The following SLC9A7 variants were observed in gnomAD, a reference collection of about 807,000 sequenced individuals.
SLC9A7 encodes solute carrier family 9 member A7.
SLC9A7 carries 19 observed loss-of-function variants against 52.6 expected under a neutral mutation model. The observed-to-expected ratio is 0.36, with a 90% CI of 0.25 to 0.53. The LOEUF is 0.53. Ranked by LOEUF, SLC9A7 falls within the 20% of genes least tolerant of loss-of-function variation. SLC9A7 has a pLI of 0.91. For missense variants in SLC9A7, 455 were observed against 597.9 expected, an observed-to-expected ratio of 0.76 and a Z score of 2.49; for synonymous variants, 226 against 252.1, an observed-to-expected ratio of 0.90 and a Z score of 0.98.
At chrX:46,691,464 G>C (rs1033102773) in intron 1 of SLC9A7, among the ~76,000 whole-genome samples, 2 of 111,999 alleles carry the variant, frequency 1.8e-5, no homozygotes, top group African/African-American at 6.5e-5. Flanking sequence ...GACCTGGGTA[G>C]GTAACTTCAC....
chrX:46,601,813 A>G lies in SLC9A7; in HGVS notation c.*5139T>C, dbSNP rs1158225288. ...CAAAAAGTGTACTAAAAGGAATAGCAGCTTTCATCTTCTCTCTGTCAGGGC... is the reference window on the plus strand; with the variant it reads ...CAAAAAGTGTACTAAAAGGAATAGCGGCTTTCATCTTCTCTCTGTCAGGGC... On this transcript the variant is annotated 3_prime_UTR_variant, in exon 17 of 17. Coordinates refer to ENST00000616978, the MANE Select transcript of SLC9A7 (RefSeq NM_001257291.2). The G allele has an allele frequency of 8.9e-6, 1 of 112,337 alleles. No homozygotes were observed. Among genetic ancestry groups the G allele is most frequent in the Admixed American group, 9.4e-5 (1 of 10,589 alleles). The allele number at this position is 112,337 out of a possible 1,213,427, so 9.3% of individuals were successfully genotyped here. A position where few individuals can be genotyped will look rare whatever the true frequency, so the allele number is the denominator to read the frequency against.
intron 1 of SLC9A7, among the ~76,000 whole-genome samples, chrX:46,753,816 TA>T (rs1406526411): frequency 2.7e-5 from 3 of 109,616 alleles, no homozygotes; most frequent in African/African-American, 1.0e-4. Context: ...ACCCCGTCTC[TA>T]CTAAAAATAC....
At chrX:46,680,239 C>T (rs1944190510) in intron 2 of SLC9A7, among the ~76,000 whole-genome samples, 1 of 108,903 alleles carries the variant, frequency 9.2e-6, no homozygotes, top group African/African-American at 3.4e-5. Context: ...ATCCCAGCTA[C>T]TTGGGAGGCT....
At chrX:46,678,515 C>T (rs955464599) in intron 3 of SLC9A7, among the ~76,000 whole-genome samples, 21 of 107,678 alleles carry the variant, frequency 2.0e-4, no homozygotes, top group Non-Finnish European at 3.8e-4. Flanking sequence ...AGGCTCACTG[C>T]GGCCTCAAAC....
intron 8 of SLC9A7, 145 bp from the exon 9 acceptor site, chrX:46,651,549 C>T (rs1435197055): frequency 9.3e-6 from 4 of 431,615 alleles, no homozygotes; most frequent in East Asian, 4.1e-5. Context: ...ATTGCTGGGT[C>T]GGGCGCAGTG....
intron 7 of SLC9A7, among the ~76,000 whole-genome samples, chrX:46,658,708 A>C (rs1180049973): frequency 1.8e-5 from 2 of 111,026 alleles, no homozygotes; most frequent in African/African-American, 3.3e-5. Context: ...CAATAACAGG[A>C]TCTGAAATTG....
chrX:46,658,675 A>G (rs1224436937), intron 7 of SLC9A7, among the ~76,000 whole-genome samples: 2 of 111,504 alleles, frequency 1.8e-5, no homozygotes, highest in African/African-American at 3.3e-5. Flanking sequence ...TAAACCAGGA[A>G]GAAGTTGAAT....
In SLC9A7 at chrX:46,605,209, G is replaced by T. The variant is rs1209685044; in HGVS notation, c.*1743C>A. On this transcript the variant is annotated 3_prime_UTR_variant, in exon 17 of 17. Transcript: ENST00000616978. ...CCATCTCAAAAAAAAAAAAAAAAAG[G>T]AAAGAAAGAAAAAAAGAAAAGCCCA... 1 of 104,379 alleles carries T rather than the reference G, an allele frequency of 9.6e-6. No individual in the cohort carries two copies. The highest frequency in any genetic ancestry group is 3.6e-5 in the African/African-American group (1 of 28,101). 8.6% of individuals were successfully genotyped at this position (104,379 alleles called of 1,213,427 possible).
At chrX:46,651,863 GAA>G (rs1206499583) in intron 8 of SLC9A7, among the ~76,000 whole-genome samples, 1 of 103,315 alleles carries the variant, frequency 9.7e-6, no homozygotes, top group African/African-American at 3.6e-5. Flanking sequence ...AGAAAAAAAA[GAA>G]AAAAAAGTTT....
In SLC9A7 at chrX:46,759,102, C is replaced by T. The variant is rs1302310873; in HGVS notation, c.-73G>A. ...CGCCGTCGGCGGGTTCTGGCAGCAC[C>T]GCGGACCTGCCGGAGTGGCCGTGGC... is the stretch of plus-strand genomic sequence containing the variant. On this transcript the variant is annotated 5_prime_UTR_variant, in exon 1 of 17. Transcript: ENST00000616978. 1.3e-5 allele frequency: 9 copies of T among 696,722 alleles called. No individual in the cohort carries two copies. Among genetic ancestry groups the T allele is most frequent in the African/African-American group, 2.3e-5 (1 of 42,947 alleles). The allele number at this position is 696,722 out of a possible 1,213,427, so 57.4% of individuals were successfully genotyped here. A position where few individuals can be genotyped will look rare whatever the true frequency, so the allele number is the denominator to read the frequency against.
At chrX:46,677,750 T>C (rs1364034336) in intron 3 of SLC9A7, among the ~76,000 whole-genome samples, 1 of 112,440 alleles carries the variant, frequency 8.9e-6, no homozygotes, top group African/African-American at 3.2e-5. Flanking sequence ...TTGGGATGTG[T>C]TCCCTCTTCT....
intron 11 of SLC9A7, among the ~76,000 whole-genome samples, chrX:46,644,628 CTG>C (rs1943458636): frequency 1.1e-5 from 1 of 93,511 alleles, no homozygotes. Flanking sequence ...CAGAGCAAGG[CTG>C]TGTCTCAAAA....
chrX:46,732,848 T>G (rs1674884106), intron 1 of SLC9A7, among the ~76,000 whole-genome samples: 1 of 111,652 alleles, frequency 9.0e-6, no homozygotes, highest in African/African-American at 3.3e-5. Flanking sequence ...AAGGACTAAA[T>G]TATGGTACAT....
intron 11 of SLC9A7, chrX:46,646,750 AC>A: frequency 3.2e-6 from 1 of 312,172 alleles, no homozygotes. Flanking sequence ...CTGCAGAGAG[AC>A]CCTCCAGATG....
intron 13 of SLC9A7, among the ~76,000 whole-genome samples, chrX:46,633,362 AAAAAAAAAAAAAAAAAAAAC>A: frequency 1.1e-5 from 1 of 95,105 alleles, no homozygotes; most frequent in East Asian, 3.3e-4. Flanking sequence ...AAAAAAAAAA[AAAAAAAAAAAAAAAAAAAAC>A]AGATCGGGGC....
At chrX:46,655,051 C>T (rs1466361225) in intron 7 of SLC9A7, among the ~76,000 whole-genome samples, 1 of 103,350 alleles carries the variant, frequency 9.7e-6, no homozygotes, top group Non-Finnish European at 2.0e-5. Context: ...ATGGCACGGC[C>T]TCGGCTCACT....
At chrX:46,655,456 G>A (rs1318951601) in intron 7 of SLC9A7, among the ~76,000 whole-genome samples, 2 of 111,933 alleles carry the variant, frequency 1.8e-5, no homozygotes, top group Non-Finnish European at 1.9e-5. Context: ...TCCATCTGAG[G>A]TACCGGGTTC....
chrX:46,649,070 A>ATATCTATCTATCTATC (rs60152703), intron 10 of SLC9A7, among the ~76,000 whole-genome samples: 11,063 of 105,260 alleles, frequency 0.11, 481 homozygotes, highest in Middle Eastern at 0.23. Context: ...AATTCAACTG[A>ATATCTATCTATCTATC]TATCTATCTA....
At chrX:46,699,370 G>C (rs1200949705) in intron 1 of SLC9A7, among the ~76,000 whole-genome samples, 1 of 111,687 alleles carries the variant, frequency 9.0e-6, no homozygotes, top group Non-Finnish European at 1.9e-5. Flanking sequence ...ACCTTCTTCT[G>C]ATAGTCTTTG....
Sources: gnomAD v4.1 joint callset for allele counts (sites outside exome capture counted in the v4.1 genomes callset) on GRCh38, gnomAD v4.1.1 for gene constraint, MANE v1.5 for transcripts, NCBI Gene and HGNC (gene_info 2026-07-23, HGNC 2026-07-21) for gene names.